Variants in SORL1 observed in about 807,000 individuals in gnomAD.
SORL1 encodes sortilin related receptor 1, also known as sortilin-related receptor.
SORL1 carries 127 observed loss-of-function variants against 273.7 expected under a neutral mutation model. The ratio of observed to expected loss-of-function variants is 0.46; its 90% CI spans 0.40 to 0.54. The LOEUF (loss-of-function observed/expected upper bound fraction) is 0.54, where lower values mean the gene tolerates loss of function less well. Among genes scored for constraint, SORL1 ranks in the 20% least tolerant of loss-of-function variants. SORL1 has a pLI of 0.00. For missense variants in SORL1, 2,494 were observed against 2,846.1 expected, an observed-to-expected ratio of 0.88 and a Z score of 2.81; for synonymous variants, 1,031 against 1,067.4, an observed-to-expected ratio of 0.97 and a Z score of 0.66.
intron 16 of SORL1, among the ~76,000 whole-genome samples, chr11:121,551,113 T>C (rs1269665277): frequency 6.6e-6 from 1 of 152,252 alleles, no homozygotes; most frequent in East Asian, 1.9e-4. Flanking sequence ...TAGATTTCAG[T>C]GTACTTTTTA....
intron 12 of SORL1, among the ~76,000 whole-genome samples, chr11:121,542,307 C>A (rs544133807): frequency 1.3e-5 from 2 of 152,166 alleles, no homozygotes; most frequent in Admixed American, 6.5e-5. Context: ...CCCTTCAATC[C>A]GGGATTTAGC....
chr11:121,586,489 C>T (rs1044912923), intron 27 of SORL1, among the ~76,000 whole-genome samples, 160 bp downstream of exon 27: 38 of 152,032 alleles, frequency 2.5e-4, no homozygotes, highest in African/African-American at 8.0e-4. Context: ...GGAGGCTGAT[C>T]GTGGCAGAGA....
intron 32 of SORL1, 64 bp from the exon 33 acceptor site, chr11:121,604,129 G>T: frequency 6.3e-7 from 1 of 1,582,386 alleles, no homozygotes. Flanking sequence ...GAATAAACTT[G>T]GGCCCAGCCT....
At chr11:121,583,917 G>A (rs931396974) in intron 26 of SORL1, among the ~76,000 whole-genome samples, 2 of 152,190 alleles carry the variant, frequency 1.3e-5, no homozygotes, top group Admixed American at 1.3e-4. Flanking sequence ...TTCAGGGGAT[G>A]TTAGTTGTCT....
At chr11:121,590,836 A>G (rs765875729) in intron 30 of SORL1, 165 bp from the exon 31 acceptor site, 1 of 794,768 alleles carries the variant, frequency 1.3e-6, no homozygotes, top group Non-Finnish European at 2.3e-6. Flanking sequence ...ACAACCCATT[A>G]TACATGATTT....
Position 121,630,325 on chromosome 11 carries a change from T to C in SORL1, c.*762T>C, listed in dbSNP as rs2134961402. ...TATTAATTGATGGAATTTTACTGTATGTGCCTCTGTACAAGATGTAGCTTT... is the reference window on the plus strand; with the variant it reads ...TATTAATTGATGGAATTTTACTGTACGTGCCTCTGTACAAGATGTAGCTTT... On this transcript the variant is annotated 3_prime_UTR_variant, in exon 48 of 48. Coordinates refer to ENST00000260197, the MANE Select transcript of SORL1 (RefSeq NM_003105.6). 1 of 152,346 alleles carries C rather than the reference T, an allele frequency of 6.6e-6. No individual in the cohort carries two copies. The highest frequency in any genetic ancestry group is 6.5e-5 in the Admixed American group (1 of 15,308). 9.4% of individuals were successfully genotyped at this position (152,346 alleles called of 1,614,324 possible). A position where few individuals can be genotyped will look rare whatever the true frequency, so the allele number is the denominator to read the frequency against.
chr11:121,601,583 GT>G (rs11430505), intron 32 of SORL1, among the ~76,000 whole-genome samples: 122 of 137,028 alleles, frequency 8.9e-4, no homozygotes, highest in East Asian at 8.3e-3. Context: ...TTTAATGATT[GT>G]TTTTTTTTTT....
At chr11:121,586,693 T>TGGGGGGGGGGGGGGGGGGGGGGGG (rs376563096) in intron 27 of SORL1, among the ~76,000 whole-genome samples, 3 of 97,160 alleles carry the variant, frequency 3.1e-5, no homozygotes, top group Admixed American at 1.2e-4. Context: ...GGGGGTAGAG[T>TGGGGGGGGGGGGGGGGGGGGGGGG]GGGGGGGGGG....
intron 21 of SORL1, among the ~76,000 whole-genome samples, chr11:121,565,868 T>C (rs1862747370): frequency 6.6e-6 from 1 of 152,242 alleles, no homozygotes; most frequent in Admixed American, 6.5e-5. Flanking sequence ...CTCTCTCCGG[T>C]GCTGCCTTTA....
chr11:121,583,727 C>A (rs1406221263), intron 26 of SORL1, 144 bp downstream of exon 26: 3 of 824,710 alleles, frequency 3.6e-6, no homozygotes, highest in Non-Finnish European at 5.3e-6. Flanking sequence ...CATCTACTTT[C>A]TATGTTATAT....
chr11:121,557,731 A>G (rs76591319), intron 19 of SORL1, among the ~76,000 whole-genome samples: 7,941 of 152,292 alleles, frequency 0.052, 299 homozygotes, highest in Non-Finnish European at 0.07. Flanking sequence ...CTTGAGTTTC[A>G]TGCATGGTAC....
At chr11:121,607,370 A>G in intron 37 of SORL1, 80 bp downstream of exon 37, 1 of 775,460 alleles carries the variant, frequency 1.3e-6, no homozygotes, top group Non-Finnish European at 2.2e-6. Flanking sequence ...AGAACTCTCT[A>G]CTCACCTTTG....
chr11:121,474,417 T>C (rs1861227391), intron 2 of SORL1, among the ~76,000 whole-genome samples: 1 of 152,206 alleles, frequency 6.6e-6, no homozygotes, highest in South Asian at 2.1e-4. Flanking sequence ...GTGCCAGATA[T>C]GGGGATGTTT....
At chr11:121,629,222 G>A (rs1863839835) in intron 47 of SORL1, 1 of 457,986 alleles carries the variant, frequency 2.2e-6, no homozygotes, top group Non-Finnish European at 3.9e-6. Flanking sequence ...GGTAATAAGA[G>A]TCTTCTCCTG....
intron 25 of SORL1, among the ~76,000 whole-genome samples, chr11:121,577,965 G>C (rs1010440948): frequency 2.6e-5 from 4 of 152,202 alleles, no homozygotes; most frequent in Non-Finnish European, 5.9e-5. Flanking sequence ...GATATATTAT[G>C]ATGGGGCAGG....
At chr11:121,524,993 GA>G (rs1418474540) in intron 11 of SORL1, among the ~76,000 whole-genome samples, 1 of 150,548 alleles carries the variant, frequency 6.6e-6, no homozygotes, top group Non-Finnish European at 1.5e-5. Flanking sequence ...CAGATAAGGG[GA>G]CAGTACACTG....
intron 3 of SORL1, among the ~76,000 whole-genome samples, chr11:121,487,411 A>G (rs1329931647): frequency 1.3e-5 from 2 of 152,204 alleles, no homozygotes; most frequent in Non-Finnish European, 2.9e-5. Flanking sequence ...GCTAAGTAGG[A>G]TGAGGCCCGT....
In SORL1 at chr11:121,583,438, G is replaced by C. The variant is rs1307095759; in HGVS notation, c.3581-20G>C. 6.2e-7 allele frequency: 1 copy of C among 1,605,940 alleles called. No individual in the cohort carries two copies. The highest frequency in any genetic ancestry group is 8.5e-7 in the Non-Finnish European group (1 of 1,175,712). Reference sequence around the variant, plus strand: ...ATGGAGATGAGGGGTGTGCGACTGTGTCTCTCTTCTCTGTTACAGCCATCT... The same window carrying C: ...ATGGAGATGAGGGGTGTGCGACTGTCTCTCTCTTCTCTGTTACAGCCATCT... On this transcript the variant is annotated intron_variant, in intron 25 of 47. Transcript: ENST00000260197.
chr11:121,509,960 A>G (rs781620151), intron 6 of SORL1, among the ~76,000 whole-genome samples: 2 of 152,214 alleles, frequency 1.3e-5, no homozygotes, highest in Admixed American at 6.5e-5. Flanking sequence ...CATGATAGCT[A>G]TCAAAAATAC....
Sources: allele counts gnomAD v4.1 joint callset (sites outside exome capture counted in the v4.1 genomes callset), GRCh38; gene constraint gnomAD v4.1.1; transcripts MANE v1.5; gene names NCBI Gene and HGNC (gene_info 2026-07-23, HGNC 2026-07-21).